WDSUB1: variants seen among roughly 807,000 people sequenced by gnomAD.
The protein encoded by WDSUB1 is WD repeat, sterile alpha motif and U-box domain containing 1.
WDSUB1 carries 49 observed loss-of-function variants against 53.9 expected under a neutral mutation model. That is an observed-to-expected ratio of 0.91 (90% confidence interval 0.72 to 1.15). The LOEUF (loss-of-function observed/expected upper bound fraction) is 1.15. Ranked by LOEUF, WDSUB1 falls within the 50% of genes most tolerant of loss-of-function variation. The probability of loss-of-function intolerance (pLI) is 0.00; values close to 1 mark genes in which losing one functional copy is unlikely to be tolerated. For missense variants in WDSUB1, 514 were observed against 562.0 expected (o/e 0.91, Z 0.86); for synonymous variants, 194 against 200.6 (o/e 0.97, Z 0.28).
chr2:159,282,927 G>C lies in WDSUB1; in HGVS notation c.143C>G (p.Ser48Cys). ...SLRDFTELPHSPLKFHTYAVH... is the reference protein window; with the variant it reads ...SLRDFTELPHCPLKFHTYAVH... ...AGCATAGGTATGAAACTTCAATGGA[G>C]AATGTGGCAGTTCAGTAAAGTCACG... The change falls in exon 2 of 11, where the codon TCT becomes TGT. Residue 48 changes from serine (S) to cysteine (C), a missense_variant. Ser to Cys is a moderately radical substitution (Grantham distance 112, BLOSUM62 -1). Transcript: ENST00000359774. 6.2e-7 allele frequency: 1 copy of C among 1,614,216 alleles called. No homozygotes were observed. Among genetic ancestry groups the C allele is most frequent in the Non-Finnish European group, 8.5e-7 (1 of 1,180,050 alleles).
intron 10 of WDSUB1, among the ~76,000 whole-genome samples, chr2:159,238,672 A>C (rs531611290): frequency 1.3e-5 from 2 of 152,300 alleles, no homozygotes; most frequent in Non-Finnish European, 2.9e-5. Context: ...CCATTGTTCT[A>C]TTCCTGGGCC....
chr2:159,241,215 G>C (rs148938838), intron 10 of WDSUB1, among the ~76,000 whole-genome samples: 4 of 152,174 alleles, frequency 2.6e-5, no homozygotes, highest in African/African-American at 9.7e-5. Context: ...TACCAGTGCA[G>C]GGCAGGCATT....
At chr2:159,285,296 G>A (rs1208867261) in intron 1 of WDSUB1, among the ~76,000 whole-genome samples, 3 of 152,110 alleles carry the variant, frequency 2.0e-5, no homozygotes, top group African/African-American at 4.8e-5. Context: ...CATAACTGAC[G>A]GTGGAAAACT....
intron 3 of WDSUB1, among the ~76,000 whole-genome samples, chr2:159,275,857 C>T (rs535715321): frequency 1.3e-5 from 2 of 152,230 alleles, no homozygotes; most frequent in East Asian, 3.9e-4. Flanking sequence ...CAAAAAAATA[C>T]CTTTCATTTT....
At chr2:159,278,630 A>G (rs1456247884) in intron 3 of WDSUB1, among the ~76,000 whole-genome samples, 1 of 152,252 alleles carries the variant, frequency 6.6e-6, no homozygotes, top group Non-Finnish European at 1.5e-5. Context: ...TCTAAAGGAT[A>G]TTAACAGCAA....
At chr2:159,266,481 C>T (rs2061351146) in intron 5 of WDSUB1, among the ~76,000 whole-genome samples, 1 of 152,194 alleles carries the variant, frequency 6.6e-6, no homozygotes, top group Non-Finnish European at 1.5e-5. Flanking sequence ...AGCCACCGCG[C>T]CTGGCCAAGG....
At chr2:159,276,917 T>A (rs1176560283) in intron 3 of WDSUB1, among the ~76,000 whole-genome samples, 1 of 151,976 alleles carries the variant, frequency 6.6e-6, no homozygotes, top group Non-Finnish European at 1.5e-5. Flanking sequence ...AGGCAGGGGA[T>A]CTCCTTGAGC....
At chr2:159,269,556 C>CA (rs1489459150) in intron 5 of WDSUB1, among the ~76,000 whole-genome samples, 1 of 152,018 alleles carries the variant, frequency 6.6e-6, no homozygotes, top group Non-Finnish European at 1.5e-5. Flanking sequence ...AGTGGATATG[C>CA]AAAAACCTCA....
chr2:159,270,464 C>A (rs1575480384), intron 5 of WDSUB1, among the ~76,000 whole-genome samples: 2 of 152,044 alleles, frequency 1.3e-5, no homozygotes, highest in South Asian at 4.1e-4. Context: ...CTGGGAGAGA[C>A]AGAATGATAT....
chr2:159,240,042 C>T (rs1368965852), intron 10 of WDSUB1, among the ~76,000 whole-genome samples: 1 of 152,204 alleles, frequency 6.6e-6, no homozygotes, highest in African/African-American at 2.4e-5. Flanking sequence ...CCATCAATCC[C>T]ATACCCATTA....
At chr2:159,259,050 G>A (rs951390299) in intron 6 of WDSUB1, among the ~76,000 whole-genome samples, 1 of 136,386 alleles carries the variant, frequency 7.3e-6, no homozygotes, top group African/African-American at 2.6e-5. Context: ...TTGAGACAGG[G>A]TCTCACTCTG....
rs2061806816 is a variant in WDSUB1 at position 159,286,587 on chromosome 2, A to G, written c.-29T>C. ...CGTGGGCGCGGCCGCTCTCACCTGC[A>G]GGAGCGGGGGCGCGCGGGATCCGCC... On this transcript the variant is annotated 5_prime_UTR_variant, in exon 1 of 11. Coordinates refer to ENST00000359774, the MANE Select transcript of WDSUB1 (RefSeq NM_001128212.3). 6.6e-6 allele frequency: 1 copy of G among 152,098 alleles called. No individual in the cohort carries two copies. Among genetic ancestry groups the G allele is most frequent in the South Asian group, 2.1e-4 (1 of 4,836 alleles). The allele number at this position is 152,098 out of a possible 1,614,324, so 9.4% of individuals were successfully genotyped here.
chr2:159,259,954 T>C, intron 5 of WDSUB1, 111 bp from the exon 6 acceptor site: 1 of 1,131,226 alleles, frequency 8.8e-7, no homozygotes, highest in Non-Finnish European at 1.2e-6. Context: ...AGACAGATAT[T>C]AACATACATT....
At chr2:159,251,217 G>A (rs112601363) in intron 9 of WDSUB1, among the ~76,000 whole-genome samples, 57,980 of 149,766 alleles carry the variant, frequency 0.39, 12,976 homozygotes, top group Non-Finnish European at 0.54. Context: ...AGTGAGCCAT[G>A]TTCATGCCAC....
Position 159,280,519 on chromosome 2 carries a change from G to T in WDSUB1, c.399-574C>A, listed in dbSNP as rs371510985. 3.3e-5 allele frequency among the ~76,000 whole-genome samples: 5 copies of T among 149,888 alleles called. No individual in the cohort carries two copies. In the East Asian group the frequency reaches 7.8e-4, roughly 23 times the overall value. On this transcript the variant is annotated intron_variant, in intron 2 of 10. Coordinates refer to ENST00000359774, the MANE Select transcript of WDSUB1 (RefSeq NM_001128212.3). Reference sequence around the variant, plus strand: ...ATCCCGGCTAAAACGGTGAAACCCCGTCTCTACTAAAAATACAAAAAATTA... The same window carrying T: ...ATCCCGGCTAAAACGGTGAAACCCCTTCTCTACTAAAAATACAAAAAATTA...
chr2:159,235,962 C>T lies in WDSUB1; in HGVS notation c.*71G>A, dbSNP rs940019514. 4.5e-6 allele frequency: 6 copies of T among 1,334,214 alleles called. No homozygotes were observed. The African/African-American group carries it at 4.5e-5, about 10-fold the overall frequency. 82.6% of individuals were successfully genotyped at this position (1,334,214 alleles called of 1,614,324 possible). A position where few individuals can be genotyped will look rare whatever the true frequency, so the allele number is the denominator to read the frequency against. ...TTTCCTGTTTTGCTTTTAATAATGT[C>T]TGATTAGTATTTACCTATAAATCAT... is the stretch of plus-strand genomic sequence containing the variant. On this transcript the variant is annotated 3_prime_UTR_variant, in exon 11 of 11. Coordinates refer to ENST00000359774, the MANE Select transcript of WDSUB1 (RefSeq NM_001128212.3).
chr2:159,263,936 G>A (rs2061280545), intron 5 of WDSUB1, among the ~76,000 whole-genome samples: 1 of 152,088 alleles, frequency 6.6e-6, no homozygotes, highest in South Asian at 2.1e-4. Flanking sequence ...ACAATGTTAT[G>A]AGGAAAGTGC....
intron 10 of WDSUB1, 142 bp from the exon 11 acceptor site, chr2:159,236,332 C>CA (rs2060481487): frequency 3.7e-6 from 3 of 817,802 alleles, no homozygotes; most frequent in Non-Finnish European, 5.5e-6. Context: ...CCAGCACCCC[C>CA]AAAAATCTCT....
intron 9 of WDSUB1, among the ~76,000 whole-genome samples, chr2:159,255,154 A>C (rs1395329380): frequency 6.6e-6 from 1 of 151,968 alleles, no homozygotes; most frequent in Non-Finnish European, 1.5e-5. Flanking sequence ...TGCCACCCCC[A>C]CACAAAAAGA....
Sources: allele counts gnomAD v4.1 joint callset (sites outside exome capture counted in the v4.1 genomes callset), GRCh38; gene constraint gnomAD v4.1.1; transcripts MANE v1.5; gene names NCBI Gene and HGNC (gene_info 2026-07-23, HGNC 2026-07-21).